Variants in EMC2 observed in about 807,000 individuals in gnomAD.
The protein encoded by EMC2 is TPR repeat protein 35.
EMC2 carries 37 observed loss-of-function variants against 51.6 expected under a neutral mutation model. That is an observed-to-expected ratio of 0.72 (90% CI 0.55 to 0.94). EMC2 has a LOEUF of 0.94. Among genes scored for constraint, EMC2 ranks in the 40% least tolerant of loss-of-function variants. EMC2 has a pLI of 0.00. For synonymous variants in EMC2, 131 were observed against 112.4 expected (o/e 1.17, Z -1.04); for missense variants, 359 against 350.9 (o/e 1.02, Z -0.18).
At chr8:108,454,899 C>T (rs921442491) in intron 4 of EMC2, among the ~76,000 whole-genome samples, 1 of 152,056 alleles carries the variant, frequency 6.6e-6, no homozygotes, top group African/African-American at 2.4e-5. Context: ...TCCCTCTACT[C>T]TTTTCTTGTT....
chr8:108,453,256 A>G, intron 4 of EMC2, 109 bp downstream of exon 4: 1 of 482,480 alleles, frequency 2.1e-6, no homozygotes. Flanking sequence ...CTGTCTCAAT[A>G]TGGCTTTAAT....
rs575313292 is a variant in EMC2 at position 108,489,091 on chromosome 8, C to T, written c.*2493C>T. 1.1e-3 allele frequency among the ~76,000 whole-genome samples: 168 copies of T among 152,256 alleles called. No individual in the cohort carries two copies. The highest frequency in any genetic ancestry group is 2.1e-3 in the Non-Finnish European group (143 of 68,016). On this transcript the variant is annotated 3_prime_UTR_variant, in exon 11 of 11. Transcript: ENST00000220853. The stretch of plus-strand genomic sequence containing the variant: ...GAACTGAAGGAGGATTAAGGGGATC[C>T]TGGGTCCCTGATATGGCATTGTTGA...
chr8:108,463,356 A>AT (rs1332935150), intron 5 of EMC2, among the ~76,000 whole-genome samples: 4 of 151,950 alleles, frequency 2.6e-5, no homozygotes, highest in African/African-American at 9.7e-5. Flanking sequence ...GTCAGCCTTT[A>AT]TTTTTTATGT....
intron 5 of EMC2, 84 bp downstream of exon 5, chr8:108,456,014 A>G: frequency 2.2e-6 from 1 of 462,920 alleles, no homozygotes; most frequent in East Asian, 4.0e-5. Context: ...ATACATAAGG[A>G]ACTAGGTCTT....
intron 7 of EMC2, among the ~76,000 whole-genome samples, chr8:108,471,542 T>C (rs1810856460): frequency 6.6e-6 from 1 of 151,888 alleles, no homozygotes; most frequent in Non-Finnish European, 1.5e-5. Context: ...TGTCCTTCCT[T>C]ATCTTTTAAA....
chr8:108,449,138 G>T (rs537341556), intron 1 of EMC2, among the ~76,000 whole-genome samples: 1 of 152,194 alleles, frequency 6.6e-6, no homozygotes, highest in South Asian at 2.1e-4. Context: ...TAAGAGACAG[G>T]GGTCTTGCTC....
chr8:108,456,345 AAAG>A (rs869203429), intron 5 of EMC2, among the ~76,000 whole-genome samples: 2,105 of 44,588 alleles, frequency 0.047, 199 homozygotes, highest in Non-Finnish European at 0.081. Context: ...AAAAAAAAAA[AAAG>A]AAAAAAAAAA....
At chr8:108,469,381 A>T (rs551186674) in intron 5 of EMC2, among the ~76,000 whole-genome samples, 1 of 152,282 alleles carries the variant, frequency 6.6e-6, no homozygotes, top group South Asian at 2.1e-4. Context: ...TTCTCTTAAA[A>T]TTGTGAAAAA....
intron 3 of EMC2, among the ~76,000 whole-genome samples, chr8:108,452,449 C>T (rs914657330): frequency 2.0e-5 from 3 of 152,060 alleles, no homozygotes; most frequent in African/African-American, 7.2e-5. Context: ...CGCCTGTAGT[C>T]CGAGCTACTT....
chr8:108,463,847 A>G (rs1361693799), intron 5 of EMC2, among the ~76,000 whole-genome samples: 1 of 152,066 alleles, frequency 6.6e-6, no homozygotes, highest in Non-Finnish European at 1.5e-5. Context: ...TAAAATACAC[A>G]TATTCACAAA....
chr8:108,447,655 T>C (rs1818910106), intron 1 of EMC2, among the ~76,000 whole-genome samples: 1 of 152,152 alleles, frequency 6.6e-6, no homozygotes, highest in Non-Finnish European at 1.5e-5. Flanking sequence ...TCATGCAAGT[T>C]GTCATGGAAG....
intron 4 of EMC2, 56 bp downstream of exon 4, chr8:108,453,203 ATT>A (rs552661997): frequency 7.1e-4 from 561 of 787,852 alleles, no homozygotes; most frequent in South Asian, 1.5e-3. Flanking sequence ...GGTGGTGTTA[ATT>A]TTTTTTTTTT....
rs930033986 is a variant in EMC2, at chr8:108,487,764, C to T, written c.*1166C>T. Among the ~76,000 whole-genome samples the T allele has an allele frequency of 2.0e-5, 3 of 152,146 alleles. No individual in the cohort carries two copies. The highest frequency in any genetic ancestry group is 4.8e-5 in the African/African-American group (2 of 41,462). The stretch of plus-strand genomic sequence containing the variant: ...GAAAGAAAAGTATTGTCAATATCAG[C>T]TTCTTTTAACCTTTTGAATAGTTCT... On this transcript the variant is annotated 3_prime_UTR_variant, in exon 11 of 11. Transcript: ENST00000220853.
intron 4 of EMC2, among the ~76,000 whole-genome samples, chr8:108,454,903 T>C (rs937727822): frequency 4.5e-4 from 69 of 152,196 alleles, no homozygotes; most frequent in African/African-American, 1.5e-3. Context: ...TCTACTCTTT[T>C]CTTGTTTGCA....
chr8:108,465,616 C>T (rs1819448397), intron 5 of EMC2, among the ~76,000 whole-genome samples: 1 of 152,190 alleles, frequency 6.6e-6, no homozygotes, highest in African/African-American at 2.4e-5. Flanking sequence ...TTTTCACTAT[C>T]ATACATGGGT....
chr8:108,449,875 G>A lies in EMC2; in HGVS notation c.93G>A (p.Glu31=). The stretch of plus-strand genomic sequence containing the variant: ...GAGAAGAAAACTCAAGAAATAGTGA[G>A]CAAATTGTGGAAGTTGGAGAAGAAT... ...KWREENSRNS[E]QIVEVGEELI... is the part of the protein sequence containing the mutation. The change falls in exon 2 of 11, where the codon GAG becomes GAA. Residue 31 remains glutamate (E), a synonymous_variant. Coordinates refer to ENST00000220853, the MANE Select transcript of EMC2 (RefSeq NM_014673.5). 1 of 1,597,022 alleles carries A rather than the reference G, an allele frequency of 6.3e-7. No individual in the cohort carries two copies. The highest frequency in any genetic ancestry group is 8.6e-7 in the Non-Finnish European group (1 of 1,166,038).
chr8:108,470,082 C>T lies in EMC2; in HGVS notation c.470C>T (p.Ala157Val), dbSNP rs1197130230. 1.9e-6 allele frequency: 3 copies of T among 1,612,976 alleles called. No homozygotes were observed. The highest frequency in any genetic ancestry group is 2.5e-6 in the Non-Finnish European group (3 of 1,179,414). ...YLEQFVGDQE[A>V]WHELAELYIN... ...ACCAGATTTGTTGGAGACCAAGAAGCCTGGCATGAACTTGCAGAACTTTAC... is the reference window on the plus strand; with the variant it reads ...ACCAGATTTGTTGGAGACCAAGAAGTCTGGCATGAACTTGCAGAACTTTAC... Residue 157 changes from alanine (A) to valine (V), a missense_variant, in exon 7 of 11, where the codon GCC becomes GTC. Ala to Val is a moderately conservative substitution (Grantham distance 64, BLOSUM62 0). Transcript: ENST00000220853.
Position 108,487,107 on chromosome 8 carries a change from GT to G in EMC2, c.*513del, listed in dbSNP as rs1363997242. ...TACATTCCAGTGGGCTATTTGAATT[GT>G]TTTATCTGCTGTAATATCCTTCTGA... On this transcript the variant is annotated 3_prime_UTR_variant, in exon 11 of 11. Transcript: ENST00000220853. Among the ~76,000 whole-genome samples, 1 of 151,944 alleles carries G rather than the reference GT, an allele frequency of 6.6e-6. No homozygotes were observed. Among genetic ancestry groups the G allele is most frequent in the Non-Finnish European group, 1.5e-5 (1 of 67,908 alleles).
chr8:108,446,242 TA>T (rs1453075335), intron 1 of EMC2: 1 of 399,786 alleles, frequency 2.5e-6, no homozygotes, highest in Non-Finnish European at 5.1e-6. Context: ...CTCCAAGAAG[TA>T]AATATTAGTG....
Sources: allele counts gnomAD v4.1 joint callset (sites outside exome capture counted in the v4.1 genomes callset), GRCh38; gene constraint gnomAD v4.1.1; transcripts MANE v1.5; gene names NCBI Gene and HGNC (gene_info 2026-07-23, HGNC 2026-07-21).